PLCG2: variants seen among roughly 807,000 people sequenced by gnomAD.
PLCG2 encodes 1-phosphatidylinositol 4,5-bisphosphate phosphodiesterase gamma-2.
A neutral mutation model predicts 175.6 loss-of-function variants in PLCG2; 69 were observed. The observed-to-expected ratio is 0.39, with a 90% CI of 0.32 to 0.48. PLCG2 has a LOEUF of 0.48. Ranked by LOEUF, PLCG2 falls within the 20% of genes least tolerant of loss-of-function variation. The pLI is 0.91. For synonymous variants in PLCG2, 827 were observed against 624.0 expected (o/e 1.33, Z -4.85); for missense variants, 1,798 against 1,650.9 (o/e 1.09, Z -1.54).
intron 2 of PLCG2, among the ~76,000 whole-genome samples, chr16:81,771,828 A>G (rs1257510350): frequency 6.6e-6 from 1 of 152,048 alleles, no homozygotes; most frequent in Non-Finnish European, 1.5e-5. Flanking sequence ...CTCTTGCCCA[A>G]GCTGGAGTGC....
intron 2 of PLCG2, among the ~76,000 whole-genome samples, chr16:81,790,832 C>T (rs770649111): frequency 6.6e-6 from 1 of 152,006 alleles, no homozygotes; most frequent in Non-Finnish European, 1.5e-5. Flanking sequence ...GATTTTCTCA[C>T]CTGGGATACA....
chr16:81,747,231 A>G (rs1388064378), intron 1 of PLCG2, among the ~76,000 whole-genome samples: 1 of 152,172 alleles, frequency 6.6e-6, no homozygotes, highest in East Asian at 1.9e-4. Context: ...TCAAAATGAC[A>G]AAAGTTTAAG....
intron 1 of PLCG2, among the ~76,000 whole-genome samples, chr16:81,782,720 A>T (rs975817918): frequency 6.6e-6 from 1 of 152,268 alleles, no homozygotes; most frequent in Non-Finnish European, 1.5e-5. Context: ...GTGCATGTTA[A>T]GCCAGTACAG....
intron 2 of PLCG2, among the ~76,000 whole-genome samples, chr16:81,832,789 A>G (rs540099159): frequency 3.3e-5 from 5 of 152,354 alleles, no homozygotes; most frequent in Admixed American, 1.3e-4. Context: ...TTGCAAAGCT[A>G]GAGAATGAGG....
At chr16:81,831,279 C>A (rs1174005196) in intron 2 of PLCG2, among the ~76,000 whole-genome samples, 1 of 152,200 alleles carries the variant, frequency 6.6e-6, no homozygotes, top group African/African-American at 2.4e-5. Flanking sequence ...ATAGCTGTAT[C>A]CCCAGCTCCC....
chr16:81,932,612 T>C lies in PLCG2; in HGVS notation c.2739+958T>C, dbSNP rs189114648. Among the ~76,000 whole-genome samples the C allele has an allele frequency of 4.6e-5, 7 of 152,294 alleles. No individual in the cohort carries two copies. The East Asian group carries it at 1.2e-3, about 25-fold the overall frequency. On this transcript the variant is annotated intron_variant, in intron 25 of 32. Coordinates refer to ENST00000564138, the MANE Select transcript of PLCG2 (RefSeq NM_002661.5). ...GTCACCCACCAGTGGCCAGGTCATT[T>C]TTTTCCCCTTGGGAGGGCCTCACAT...
In PLCG2 at chr16:81,910,561, T is replaced by C. The variant is rs1555519696; in HGVS notation, c.1775T>C (p.Met592Thr). 1.9e-6 allele frequency: 3 copies of C among 1,614,122 alleles called. No homozygotes were observed. Among genetic ancestry groups the C allele is most frequent in the South Asian group, 1.1e-5 (1 of 91,090 alleles). Reference sequence around the variant, plus strand: ...CAGCACTGCCGGATCCGCTCCACCATGGAGGGCGGGACCCTGAAATACTAC... The same window carrying C: ...CAGCACTGCCGGATCCGCTCCACCACGGAGGGCGGGACCCTGAAATACTAC... ...RVQHCRIRST[M>T]EGGTLKYYLT... The change falls in exon 18 of 33, where the codon ATG becomes ACG. Residue 592 changes from methionine (M) to threonine (T), a missense_variant. Met to Thr is a moderately conservative substitution (Grantham distance 81, BLOSUM62 -1). Transcript: ENST00000564138.
intron 2 of PLCG2, among the ~76,000 whole-genome samples, chr16:81,759,469 C>G (rs1284181313): frequency 6.6e-6 from 1 of 152,140 alleles, no homozygotes; most frequent in East Asian, 1.9e-4. Flanking sequence ...TTCTAAAGGT[C>G]TAAAATCACA....
chr16:81,776,409 C>G (rs1022329634), upstream of PLCG2, among the ~76,000 whole-genome samples: 1 of 150,826 alleles, frequency 6.6e-6, no homozygotes, highest in African/African-American at 2.4e-5. Context: ...GCGCCCGGCT[C>G]AGAGTGGTTT....
intron 1 of PLCG2, among the ~76,000 whole-genome samples, chr16:81,779,782 C>T (rs1290769247): frequency 6.6e-6 from 1 of 152,184 alleles, no homozygotes; most frequent in Non-Finnish European, 1.5e-5. Context: ...GTGGCGCCGT[C>T]TCTCTTGACG....
intron 2 of PLCG2, among the ~76,000 whole-genome samples, chr16:81,829,986 C>A (rs149619554): frequency 1.3e-5 from 2 of 152,004 alleles, no homozygotes; most frequent in African/African-American, 4.8e-5. Context: ...GACCCATGAA[C>A]GGGCAGTGCT....
In PLCG2 at chr16:81,900,760, C is replaced by A. The variant is rs200919414; in HGVS notation, c.1342C>A (p.Arg448=). The change falls in exon 14 of 33, where the codon CGG becomes AGG. Residue 448 remains arginine, a synonymous_variant. Coordinates refer to ENST00000564138, the MANE Select transcript of PLCG2 (RefSeq NM_002661.5). ...CCAGCTGCCCTCGCCCAGCCAGCTGCGGGAGAAGATCATCATCAAGGTAGG... is the reference window on the plus strand; with the variant it reads ...CCAGCTGCCCTCGCCCAGCCAGCTGAGGGAGAAGATCATCATCAAGGTAGG... ...ADQLPSPSQL[R]EKIIIKHKKL... The A allele has an allele frequency of 6.2e-7, 1 of 1,602,172 alleles. No individual in the cohort carries two copies. The highest frequency in any genetic ancestry group is 2.2e-5 in the East Asian group (1 of 44,494).
At chr16:81,939,752 A>T (rs1910862032) in intron 29 of PLCG2, 140 bp from the exon 30 acceptor site, 2 of 602,300 alleles carry the variant, frequency 3.3e-6, no homozygotes, top group Non-Finnish European at 5.9e-6. Flanking sequence ...ATAATTATTC[A>T]GATTTTCTTA....
At chr16:81,776,704 G>A (rs1910416608), upstream of PLCG2, among the ~76,000 whole-genome samples, 1 of 152,184 alleles carries the variant, frequency 6.6e-6, no homozygotes, top group Admixed American at 6.5e-5. Context: ...ACAGGTGTGT[G>A]CCACCATGCC....
At chr16:81,768,775 C>T (rs1228168549) in intron 2 of PLCG2, among the ~76,000 whole-genome samples, 4 of 152,032 alleles carry the variant, frequency 2.6e-5, no homozygotes. Flanking sequence ...CCATGTTGGC[C>T]ACGCTGGTCT....
chr16:81,924,786 G>C (rs12596830), intron 22 of PLCG2, among the ~76,000 whole-genome samples: 10,891 of 152,318 alleles, frequency 0.072, 432 homozygotes, highest in South Asian at 0.12. Context: ...TGGCCTCCTT[G>C]CTGACATTGC....
At chr16:81,943,165 G>GTCAA (rs1459119093) in intron 30 of PLCG2, among the ~76,000 whole-genome samples, 7 of 152,314 alleles carry the variant, frequency 4.6e-5, no homozygotes, top group African/African-American at 1.4e-4. Context: ...CATTCTAACA[G>GTCAA]TCAATCAGCA....
intron 13 of PLCG2, among the ~76,000 whole-genome samples, chr16:81,900,294 T>A (rs1469576812): frequency 6.6e-6 from 1 of 152,098 alleles, no homozygotes; most frequent in Non-Finnish European, 1.5e-5. Context: ...TTTCTGTAGG[T>A]TTGAACTTGA....
At chr16:81,847,732 C>A (rs979152852) in intron 2 of PLCG2, among the ~76,000 whole-genome samples, 59 of 152,102 alleles carry the variant, frequency 3.9e-4, no homozygotes, top group African/African-American at 1.3e-3. Flanking sequence ...ATTCCCTGAG[C>A]AATACAGTAT....
Sources: allele counts gnomAD v4.1 joint callset (sites outside exome capture counted in the v4.1 genomes callset), GRCh38; gene constraint gnomAD v4.1.1; transcripts MANE v1.5; gene names NCBI Gene and HGNC (gene_info 2026-07-23, HGNC 2026-07-21).